Variants in RBM19 observed in about 807,000 individuals in gnomAD.
The protein encoded by RBM19 is probable RNA-binding protein 19.
RBM19 carries 94 observed loss-of-function variants against 116.8 expected under a neutral mutation model. That is an observed-to-expected ratio of 0.80 (90% CI 0.68 to 0.95). The LOEUF (loss-of-function observed/expected upper bound fraction) is 0.95, where lower values mean the gene tolerates loss of function less well. Among genes scored for constraint, RBM19 ranks in the 40% least tolerant of loss-of-function variants. RBM19 has a pLI of 0.00. For missense variants in RBM19, 1,161 were observed against 1,220.7 expected (o/e 0.95, Z 0.73); for synonymous variants, 475 against 494.1 (o/e 0.96, Z 0.51).
intron 22 of RBM19, among the ~76,000 whole-genome samples, chr12:113,853,434 A>C (rs1877629660): frequency 6.6e-6 from 1 of 152,248 alleles, no homozygotes; most frequent in South Asian, 2.1e-4. Flanking sequence ...GTGGCAAATA[A>C]AAACAGCTGC....
rs1014730206 is a variant in RBM19 at position 113,825,998 on chromosome 12, C to A, written c.2786-2677G>T. On this transcript the variant is annotated intron_variant, in intron 23 of 23. Transcript: ENST00000261741. This position sits in a 1 kb window ranked among gnomAD's most constrained non-coding sequence, Gnocchi z 5.7. ...CTACTGAGCAGGCCCTGCCACCTCT[C>A]TGCTTCCCTCCCACTCTGCTCAGGC... Among the ~76,000 whole-genome samples, 1 of 152,210 alleles carries A rather than the reference C, an allele frequency of 6.6e-6. No individual in the cohort carries two copies. The highest frequency in any genetic ancestry group is 1.5e-5 in the Non-Finnish European group (1 of 68,032).
At chr12:113,860,775 C>T (rs1018374095) in intron 21 of RBM19, among the ~76,000 whole-genome samples, 1 of 152,146 alleles carries the variant, frequency 6.6e-6, no homozygotes, top group African/African-American at 2.4e-5. Context: ...GGGTGCATGC[C>T]TTCCCTGGCC....
intron 21 of RBM19, among the ~76,000 whole-genome samples, chr12:113,863,237 G>GTGTGTGA (rs1878543697): frequency 3.3e-5 from 4 of 121,036 alleles, no homozygotes; most frequent in Non-Finnish European, 6.0e-5. Context: ...GTGTGTGTGT[G>GTGTGTGA]GGGCCAGCGT....
intron 21 of RBM19, among the ~76,000 whole-genome samples, chr12:113,906,973 G>A (rs1882089156): frequency 1.3e-5 from 2 of 152,078 alleles, no homozygotes; most frequent in South Asian, 2.1e-4. Context: ...GACTGACACA[G>A]CCCCATGCCA....
intron 23 of RBM19, among the ~76,000 whole-genome samples, chr12:113,841,069 T>G (rs907713040): frequency 6.6e-6 from 1 of 152,136 alleles, no homozygotes; most frequent in African/African-American, 2.4e-5. Context: ...TTCCAGAACC[T>G]GGGAGGGCAG....
At chr12:113,866,704 T>C (rs1019121040) in intron 21 of RBM19, among the ~76,000 whole-genome samples, 1 of 152,132 alleles carries the variant, frequency 6.6e-6, no homozygotes, top group African/African-American at 2.4e-5. Flanking sequence ...CACCAAGCCC[T>C]CTAGGTGAGT....
chr12:113,940,208 T>G, intron 14 of RBM19, 48 bp from the exon 15 acceptor site: 127 of 1,541,188 alleles, frequency 8.2e-5, no homozygotes, highest in Non-Finnish European at 1.1e-4. Flanking sequence ...GGGAGGAGGG[T>G]CCCCAGCTGA....
intron 4 of RBM19, 122 bp downstream of exon 4, chr12:113,959,743 C>A: frequency 8.1e-7 from 1 of 1,227,290 alleles, no homozygotes; most frequent in South Asian, 1.3e-5. Flanking sequence ...CTAGCCTCCA[C>A]CCTCTCCAGC....
intron 22 of RBM19, among the ~76,000 whole-genome samples, chr12:113,857,094 A>G (rs1285002189): frequency 6.6e-6 from 1 of 152,210 alleles, no homozygotes; most frequent in African/African-American, 2.4e-5. Flanking sequence ...AGCCTCCTAT[A>G]GGAACTCTGA....
intron 21 of RBM19, among the ~76,000 whole-genome samples, chr12:113,914,695 T>C (rs1882658750): frequency 1.3e-5 from 2 of 152,194 alleles, no homozygotes; most frequent in African/African-American, 2.4e-5. Context: ...TCTTGCACGT[T>C]GTGGATGGGG....
chr12:113,919,997 C>A (rs905448128), intron 19 of RBM19, among the ~76,000 whole-genome samples: 4 of 152,178 alleles, frequency 2.6e-5, no homozygotes, highest in African/African-American at 9.7e-5. Context: ...CTCTCCTCAT[C>A]CTGCACCCTG....
At position 113,862,054 on chromosome 12, in the gene RBM19, T is replaced by C. The variant is rs115385950; in HGVS notation, c.2559-3158A>G. Reference sequence around the variant, plus strand: ...GAACAGGACATGAGAGAACTGAAGCTTAAGGAGGAGCTGAAAGATCAGGGT... The same window carrying C: ...GAACAGGACATGAGAGAACTGAAGCCTAAGGAGGAGCTGAAAGATCAGGGT... On this transcript the variant is annotated intron_variant, in intron 21 of 23. Coordinates refer to ENST00000261741, the MANE Select transcript of RBM19 (RefSeq NM_016196.4). Among the ~76,000 whole-genome samples the C allele has an allele frequency of 1.4e-3, 216 of 152,290 alleles. 1 individual carries two copies. The highest frequency in any genetic ancestry group is 5.1e-3 in the African/African-American group (213 of 41,552).
intron 22 of RBM19, among the ~76,000 whole-genome samples, chr12:113,854,884 G>A (rs1877767730): frequency 6.6e-6 from 1 of 152,230 alleles, no homozygotes. Context: ...GCCACAGGTT[G>A]GGGTGGGGCA....
chr12:113,873,923 A>G (rs1003956076), intron 21 of RBM19, among the ~76,000 whole-genome samples: 2 of 152,190 alleles, frequency 1.3e-5, no homozygotes, highest in African/African-American at 2.4e-5. Context: ...CAAGAGCCAG[A>G]TATCTCGCCA....
At chr12:113,866,204 C>G (rs112279126) in intron 21 of RBM19, among the ~76,000 whole-genome samples, 2 of 152,180 alleles carry the variant, frequency 1.3e-5, no homozygotes, top group Non-Finnish European at 2.9e-5. Flanking sequence ...TACTGCTCAT[C>G]ATGGTGAGAG....
Position 113,823,315 on chromosome 12 carries a change from G to C in RBM19, c.2792C>G (p.Pro931Arg), listed in dbSNP as rs1025340404. Residue 931 changes from proline (P) to arginine (R), a missense_variant, in exon 24 of 24, where the codon CCG becomes CGG. Transcript: ENST00000261741. ...RKTAAHFHEP[P>R]KKKRSVVLDE... ...CAACACCACAGACCGCTTTTTCTTC[G>C]GGGGCTCTGTGGGAGCCCAGATGGC... The C allele has an allele frequency of 6.2e-7, 1 of 1,612,610 alleles. No individual in the cohort carries two copies. Among genetic ancestry groups the C allele is most frequent in the African/African-American group, 1.3e-5 (1 of 74,922 alleles).
intron 21 of RBM19, among the ~76,000 whole-genome samples, chr12:113,872,997 C>T (rs1225271773): frequency 2.4e-4 from 25 of 103,122 alleles, no homozygotes; most frequent in Admixed American, 8.0e-4. Context: ...GCCCGGCCGC[C>T]CCTACTGGGA....
At chr12:113,891,524 C>T (rs1051794149) in intron 21 of RBM19, among the ~76,000 whole-genome samples, 3 of 152,138 alleles carry the variant, frequency 2.0e-5, no homozygotes, top group African/African-American at 7.2e-5. Flanking sequence ...CTTCTCAAGG[C>T]AGAGCTGGAA....
chr12:113,920,704 G>A lies in RBM19; in HGVS notation c.2306-14C>T, dbSNP rs1868460395. 6.2e-7 allele frequency: 1 copy of A among 1,609,932 alleles called. No individual in the cohort carries two copies. Among genetic ancestry groups the A allele is most frequent in the Admixed American group, 1.7e-5 (1 of 59,976 alleles). ...AAAGGAGCACTCCTGAGAGAGAGAG[G>A]TGGAAATCACACCAGTCGGTGAAGC... On this transcript the variant is annotated splice_polypyrimidine_tract_variant and intron_variant, in intron 18 of 23. Transcript: ENST00000261741.
Sources: gnomAD v4.1 joint callset for allele counts (sites outside exome capture counted in the v4.1 genomes callset) on GRCh38, gnomAD v4.1.1 for gene constraint, Gnocchi (gnomAD v3.1) non-coding constraint, MANE v1.5 for transcripts, NCBI Gene and HGNC (gene_info 2026-07-23, HGNC 2026-07-21) for gene names.